LRFN2: variants seen among roughly 807,000 people sequenced by gnomAD.
LRFN2 encodes leucine-rich repeat and fibronectin type-III domain-containing protein 2.
In LRFN2, 18 loss-of-function variants were observed where a neutral mutation model predicts 37.3. The observed-to-expected ratio is 0.48, with a 90% CI of 0.33 to 0.72. LRFN2 has a LOEUF of 0.72. LRFN2 is among the 30% of genes least tolerant of loss of function. The pLI, the probability that LRFN2 is intolerant of heterozygous loss-of-function variation, is 0.02. For missense variants in LRFN2, 1,006 were observed against 1,060.7 expected (o/e 0.95, Z 0.72); for synonymous variants, 556 against 466.6 (o/e 1.19, Z -2.47).
chr6:40,443,121 A>G (rs750880053), intron 1 of LRFN2, among the ~76,000 whole-genome samples: 1 of 152,168 alleles, frequency 6.6e-6, no homozygotes, highest in Non-Finnish European at 1.5e-5. Flanking sequence ...GCTGCAGTGG[A>G]GAACAGGTTA....
intron 1 of LRFN2, among the ~76,000 whole-genome samples, chr6:40,436,347 G>T (rs55891956): frequency 0.12 from 18,770 of 152,198 alleles, 1,297 homozygotes; most frequent in African/African-American, 0.14. Context: ...ATGCTTATTT[G>T]TTTACATATC....
intron 1 of LRFN2, among the ~76,000 whole-genome samples, chr6:40,549,804 G>A (rs773999458): frequency 9.9e-5 from 15 of 152,190 alleles, no homozygotes; most frequent in East Asian, 1.9e-4. Flanking sequence ...TTGGGAGGCC[G>A]AGGCAGGCGG....
chr6:40,397,772 T>TTTGGGCCTCAGGAATAGGAATGGG (rs1197988924), intron 2 of LRFN2, among the ~76,000 whole-genome samples: 2 of 147,192 alleles, frequency 1.4e-5, no homozygotes, highest in Non-Finnish European at 3.1e-5. Context: ...AACCCAGAGC[T>TTTGGGCCTCAGGAATAGGAATGGG]AATAGCAGCC....
chr6:40,473,358 A>G (rs962383121), intron 1 of LRFN2, among the ~76,000 whole-genome samples: 1 of 152,184 alleles, frequency 6.6e-6, no homozygotes, highest in African/African-American at 2.4e-5. Context: ...TTCAAAGTCA[A>G]GAAAACCTAG....
chr6:40,463,670 ATTTTTTTTTTTT>A (rs66745321), intron 1 of LRFN2, among the ~76,000 whole-genome samples: 2 of 76,534 alleles, frequency 2.6e-5, no homozygotes, highest in East Asian at 8.6e-4. Context: ...CTTTCTTTCT[ATTTTTTTTTTTT>A]TTTTTTTTTT....
At chr6:40,436,791 T>C (rs1248438427) in intron 1 of LRFN2, among the ~76,000 whole-genome samples, 1 of 152,236 alleles carries the variant, frequency 6.6e-6, no homozygotes, top group Admixed American at 6.5e-5. Flanking sequence ...AATGAGGATC[T>C]TCTCCACTTG....
intron 1 of LRFN2, among the ~76,000 whole-genome samples, chr6:40,507,761 T>C (rs1765584559): frequency 2.0e-5 from 3 of 152,200 alleles, no homozygotes; most frequent in African/African-American, 7.2e-5. Flanking sequence ...TCATGCCTCT[T>C]GTAGATTTGA....
intron 1 of LRFN2, among the ~76,000 whole-genome samples, chr6:40,567,098 C>A (rs1767104522): frequency 6.6e-6 from 1 of 152,052 alleles, no homozygotes. Context: ...GAGGAGAAGA[C>A]ACTTGATCAA....
intron 1 of LRFN2, among the ~76,000 whole-genome samples, chr6:40,521,390 G>C (rs1008510694): frequency 6.6e-6 from 1 of 152,190 alleles, no homozygotes; most frequent in African/African-American, 2.4e-5. Flanking sequence ...GCCAGAGAGA[G>C]GGGGCTTCTT....
intron 1 of LRFN2, among the ~76,000 whole-genome samples, chr6:40,537,048 A>G (rs1766462128): frequency 6.6e-6 from 1 of 152,208 alleles, no homozygotes; most frequent in South Asian, 2.1e-4. Flanking sequence ...TACCCTGCCA[A>G]AGGTTATGGA....
Position 40,537,055 on chromosome 6 carries a change from T to C in LRFN2, c.-19+49886A>G, listed in dbSNP as rs114949982. On this transcript the variant is annotated intron_variant, in intron 1 of 2. Transcript: ENST00000338305. The stretch of plus-strand genomic sequence containing the variant: ...GGTTGACATACCCTGCCAAAGGTTA[T>C]GGAGCTAGTACACGGCAGAGCTGGA... 2.0e-3 allele frequency among the ~76,000 whole-genome samples: 302 copies of C among 152,356 alleles called. 1 individual carries two copies. Among genetic ancestry groups the C allele is most frequent in the Middle Eastern group, 6.8e-3 (2 of 294 alleles).
chr6:40,422,343 C>T (rs1378871134), intron 2 of LRFN2, among the ~76,000 whole-genome samples: 1 of 152,176 alleles, frequency 6.6e-6, no homozygotes, highest in Non-Finnish European at 1.5e-5. Flanking sequence ...GTCCAAACCC[C>T]TGATTTCACT....
At chr6:40,434,501 C>T (rs1314704493) in intron 1 of LRFN2, among the ~76,000 whole-genome samples, 19 of 145,722 alleles carry the variant, frequency 1.3e-4, no homozygotes, top group African/African-American at 3.8e-4. Context: ...TTTTTTGAGA[C>T]GGAGTCTCAC....
At position 40,432,487 on chromosome 6, in the gene LRFN2, C is replaced by CA. The variant is rs1561852518; in HGVS notation, c.626dup (p.Gln210AlafsTer6). 2 of 1,614,240 alleles carry CA rather than the reference C, an allele frequency of 1.2e-6. No individual in the cohort carries two copies. ...AGATGGGATCAGGGGGCAGCTTCTG[C>CA]AGCCGATTGGAGGTGAGATCCAGGC... is the stretch of plus-strand genomic sequence containing the variant. On this transcript the variant is annotated frameshift_variant, in exon 2 of 3. Transcript: ENST00000338305. LOFTEE classifies it high-confidence loss of function.
At chr6:40,428,613 C>T (rs373878887) in intron 2 of LRFN2, among the ~76,000 whole-genome samples, 20 of 152,284 alleles carry the variant, frequency 1.3e-4, no homozygotes, top group African/African-American at 2.9e-4. Context: ...AGCCAGAGGC[C>T]GGAGTTCAAA....
chr6:40,541,163 A>T (rs1170625762), intron 1 of LRFN2, among the ~76,000 whole-genome samples: 1 of 152,172 alleles, frequency 6.6e-6, no homozygotes, highest in Non-Finnish European at 1.5e-5. Context: ...CCAGCCAGCC[A>T]TCAGCGGGTC....
intron 2 of LRFN2, among the ~76,000 whole-genome samples, chr6:40,413,737 G>A (rs1763025603): frequency 6.6e-6 from 1 of 152,160 alleles, no homozygotes; most frequent in East Asian, 1.9e-4. Context: ...AAGCAGCCGT[G>A]GCTTTATCAG....
chr6:40,506,166 C>G (rs1313411517), intron 1 of LRFN2, among the ~76,000 whole-genome samples: 6 of 152,224 alleles, frequency 3.9e-5, no homozygotes, highest in Admixed American at 3.9e-4. Flanking sequence ...GAAAGCTTCT[C>G]TGCCAAGGTC....
intron 2 of LRFN2, among the ~76,000 whole-genome samples, chr6:40,394,954 C>CTT (rs3048994): frequency 1.7e-5 from 2 of 120,782 alleles, no homozygotes; most frequent in Non-Finnish European, 3.4e-5. Flanking sequence ...TTTTCTTTTC[C>CTT]TTTTTTTTTT....
Sources: allele counts gnomAD v4.1 joint callset (sites outside exome capture counted in the v4.1 genomes callset), GRCh38; gene constraint gnomAD v4.1.1; transcripts MANE v1.5; gene names NCBI Gene and HGNC (gene_info 2026-07-23, HGNC 2026-07-21).